Variants in EPB41L5 observed in about 807,000 individuals in gnomAD.
EPB41L5 encodes erythrocyte membrane protein band 4.1 like 5, also known as band 4.1-like protein 5.
A neutral mutation model predicts 106.6 loss-of-function variants in EPB41L5; 55 were observed. The observed-to-expected ratio is 0.52, with a 90% confidence interval of 0.42 to 0.65. The LOEUF (loss-of-function observed/expected upper bound fraction) is 0.65, where lower values mean the gene tolerates loss of function less well. EPB41L5 is among the 30% of genes least tolerant of loss of function. The pLI, the probability that EPB41L5 is intolerant of heterozygous loss-of-function variation, is 0.00. For missense variants in EPB41L5, 871 were observed against 882.1 expected (o/e 0.99, Z 0.16); for synonymous variants, 297 against 306.7 (o/e 0.97, Z 0.33).
intron 3 of EPB41L5, among the ~76,000 whole-genome samples, chr2:120,072,135 A>C (rs1238740968): frequency 6.6e-6 from 1 of 152,238 alleles, no homozygotes; most frequent in Non-Finnish European, 1.5e-5. Flanking sequence ...ATATGAACAG[A>C]CACTTCTCAA....
intron 3 of EPB41L5, among the ~76,000 whole-genome samples, chr2:120,043,065 A>AGCTGACTT (rs1432651528): frequency 2.7e-5 from 4 of 149,280 alleles, no homozygotes; most frequent in African/African-American, 1.0e-4. Context: ...GGGAACTCCC[A>AGCTGACTT]GCTGACTTTA....
intron 16 of EPB41L5, among the ~76,000 whole-genome samples, chr2:120,121,192 T>C (rs747572516): frequency 1.5e-4 from 23 of 152,164 alleles, no homozygotes; most frequent in Non-Finnish European, 2.9e-4. Context: ...GCTGCACCCT[T>C]TCCCTCCAAA....
chr2:120,113,495 C>T (rs924172241), intron 16 of EPB41L5, among the ~76,000 whole-genome samples: 1 of 152,158 alleles, frequency 6.6e-6, no homozygotes, highest in Non-Finnish European at 1.5e-5. Context: ...TGAACTAAGA[C>T]ATTACCAAAG....
At chr2:120,120,418 C>T (rs1366492784) in intron 16 of EPB41L5, among the ~76,000 whole-genome samples, 6 of 119,914 alleles carry the variant, frequency 5.0e-5, no homozygotes, top group South Asian at 5.2e-4. Flanking sequence ...GGTGACAGAG[C>T]GACACTCAAT....
Position 120,086,577 on chromosome 2 carries a change from C to T in EPB41L5, c.804-594C>T, listed in dbSNP as rs917387991. Among the ~76,000 whole-genome samples, 3 of 151,978 alleles carry T rather than the reference C, an allele frequency of 2.0e-5. No individual in the cohort carries two copies. In the East Asian group the frequency reaches 5.8e-4, roughly 29 times the overall value. ...AGGAATTTGAGACCAGCCTGGGCAA[C>T]GTAGCGAGATGCCGTCTCTACAAAG... On this transcript the variant is annotated intron_variant, in intron 10 of 24. Transcript: ENST00000263713.
At chr2:120,099,361 A>G (rs971728357) in intron 14 of EPB41L5, among the ~76,000 whole-genome samples, 3 of 124,552 alleles carry the variant, frequency 2.4e-5, no homozygotes, top group Non-Finnish European at 5.2e-5. Context: ...TTTTTGTATT[A>G]TAGGTTGAGG....
At chr2:120,095,564 T>A (rs1446869295) in intron 14 of EPB41L5, among the ~76,000 whole-genome samples, 2 of 151,962 alleles carry the variant, frequency 1.3e-5, no homozygotes, top group East Asian at 3.8e-4. Context: ...TTTTTTTTTT[T>A]AAACCACTTA....
intron 14 of EPB41L5, among the ~76,000 whole-genome samples, chr2:120,096,163 C>G (rs945505280): frequency 6.6e-6 from 1 of 151,902 alleles, no homozygotes; most frequent in Non-Finnish European, 1.5e-5. Flanking sequence ...AGACTTTTTT[C>G]AAAAGAAGTT....
At chr2:120,111,059 G>T (rs1684709847) in intron 16 of EPB41L5, among the ~76,000 whole-genome samples, 1 of 152,072 alleles carries the variant, frequency 6.6e-6, no homozygotes, top group African/African-American at 2.4e-5. Flanking sequence ...AAACTAAACT[G>T]GACCTTACTC....
intron 2 of EPB41L5, among the ~76,000 whole-genome samples, chr2:120,020,127 T>A (rs1677823445): frequency 6.6e-6 from 1 of 152,198 alleles, no homozygotes; most frequent in Non-Finnish European, 1.5e-5. Context: ...GACTTAACGG[T>A]AAATTACATC....
In EPB41L5 at chr2:120,148,401, C is replaced by T. The variant is rs144802511; in HGVS notation, c.1793+2112C>T. 4.2e-3 allele frequency among the ~76,000 whole-genome samples: 642 copies of T among 151,562 alleles called. 3 individuals are homozygous for T. Among genetic ancestry groups the T allele is most frequent in the Non-Finnish European group, 6.9e-3 (469 of 67,832 alleles). ...CATCCTAGTTCTCATATATACTCAT[C>T]CTCATTCTACCTTACCTAAGGTCTT... On this transcript the variant is annotated intron_variant, in intron 20 of 24. Coordinates refer to ENST00000263713, the MANE Select transcript of EPB41L5 (RefSeq NM_020909.4).
intron 3 of EPB41L5, among the ~76,000 whole-genome samples, chr2:120,047,115 T>G (rs1679836032): frequency 6.6e-6 from 1 of 152,220 alleles, no homozygotes; most frequent in Non-Finnish European, 1.5e-5. Context: ...GCTTTGTTCT[T>G]TTTGCTTAGG....
At chr2:120,149,302 C>A (rs1424576708) in intron 20 of EPB41L5, among the ~76,000 whole-genome samples, 1 of 152,118 alleles carries the variant, frequency 6.6e-6, no homozygotes, top group Non-Finnish European at 1.5e-5. Context: ...TTAGTACATA[C>A]AACCACCATC....
chr2:120,112,917 C>G (rs1684785456), intron 16 of EPB41L5, among the ~76,000 whole-genome samples: 1 of 152,194 alleles, frequency 6.6e-6, no homozygotes, highest in African/African-American at 2.4e-5. Context: ...GCTTCAAACT[C>G]AAGACAGCTT....
At chr2:120,166,464 T>G (rs1014741707) in intron 22 of EPB41L5, among the ~76,000 whole-genome samples, 2 of 152,126 alleles carry the variant, frequency 1.3e-5, no homozygotes, top group African/African-American at 2.4e-5. Context: ...TTGTGGGTTT[T>G]TTTTTTTTGA....
At chr2:120,106,280 TG>T in intron 16 of EPB41L5, 1 of 985,372 alleles carries the variant, frequency 1.0e-6, no homozygotes, top group Non-Finnish European at 1.2e-6. Context: ...GGGCTAAGGC[TG>T]GATGGTAGTA....
intron 10 of EPB41L5, among the ~76,000 whole-genome samples, chr2:120,079,533 C>G (rs1176314053): frequency 2.0e-5 from 3 of 152,158 alleles, no homozygotes; most frequent in African/African-American, 7.2e-5. Flanking sequence ...GCTGCTGTCT[C>G]TGGAAGGTCA....
intron 3 of EPB41L5, among the ~76,000 whole-genome samples, chr2:120,071,916 A>C (rs1466305407): frequency 3.9e-5 from 6 of 152,234 alleles, no homozygotes; most frequent in African/African-American, 1.4e-4. Flanking sequence ...CACAAAAGCC[A>C]GAATTGACAA....
intron 16 of EPB41L5, among the ~76,000 whole-genome samples, chr2:120,124,476 C>T (rs183439995): frequency 1.3e-5 from 2 of 152,280 alleles, no homozygotes; most frequent in Admixed American, 6.5e-5. Context: ...ATCATATTTG[C>T]TCGCATTTAT....
Sources: allele counts gnomAD v4.1 joint callset (sites outside exome capture counted in the v4.1 genomes callset), GRCh38; gene constraint gnomAD v4.1.1; transcripts MANE v1.5; gene names NCBI Gene and HGNC (gene_info 2026-07-23, HGNC 2026-07-21).